Variants in PCDHGA4 observed in about 807,000 individuals in gnomAD.
PCDHGA4 encodes protocadherin gamma-A4.
In PCDHGA4, 38 loss-of-function variants were observed where a neutral mutation model predicts 54.6. The observed-to-expected ratio is 0.70, with a 90% confidence interval of 0.54 to 0.91. The LOEUF is 0.91. PCDHGA4 is among the 40% of genes least tolerant of loss of function. PCDHGA4 has a pLI of 0.00. For missense variants in PCDHGA4, 1,298 were observed against 1,220.9 expected (o/e 1.06, Z -0.94); for synonymous variants, 511 against 512.9 (o/e 1.00, Z 0.05).
intron 1 of PCDHGA4, chr5:141,366,436 C>T (rs757760710): frequency 1.9e-6 from 3 of 1,614,076 alleles, no homozygotes; most frequent in African/African-American, 1.3e-5. Context: ...CAGTCTCCTG[C>T]GTCTTCCTGG....
In PCDHGA4 at chr5:141,512,223, C is replaced by G. The variant is rs1321595614; in HGVS notation, c.*1050C>G. 6.5e-6 allele frequency: 1 copy of G among 152,728 alleles called. No individual in the cohort carries two copies. The highest frequency in any genetic ancestry group is 1.5e-5 in the Non-Finnish European group (1 of 68,110). 9.5% of individuals were successfully genotyped at this position (152,728 alleles called of 1,614,324 possible). ...CTCGAAGCAGGTTTAGGACCAGGTC[C>G]CCTTGAGAGGTCAGAGGGGCCTCTG... On this transcript the variant is annotated 3_prime_UTR_variant, in exon 4 of 4. Transcript: ENST00000571252.
chr5:141,481,142 G>T (rs2099532501), intron 1 of PCDHGA4, among the ~76,000 whole-genome samples: 1 of 152,212 alleles, frequency 6.6e-6, no homozygotes, highest in Non-Finnish European at 1.5e-5. Context: ...GAAGTAAAGT[G>T]TTATTCTGGT....
intron 1 of PCDHGA4, chr5:141,371,543 A>G (rs1209242275): frequency 3.1e-6 from 5 of 1,613,694 alleles, no homozygotes; most frequent in Non-Finnish European, 4.2e-6. Flanking sequence ...GAGAAATCCT[A>G]TGCCAACTAA....
In PCDHGA4 at chr5:141,355,744, G is replaced by A. The variant is rs1302771469; in HGVS notation, c.637G>A (p.Val213Met). ...LNSNGYFSLD[V>M]QSGADGIKYP... ...CTCAAACGGTTACTTTTCCCTGGAC[G>A]TGCAAAGTGGGGCCGATGGGATTAA... Residue 213 changes from valine to methionine, a missense_variant, in exon 1 of 4, where the codon GTG becomes ATG. Transcript: ENST00000571252. 1 of 1,613,960 alleles carries A rather than the reference G, an allele frequency of 6.2e-7. No individual in the cohort carries two copies. The highest frequency in any genetic ancestry group is 8.5e-7 in the Non-Finnish European group (1 of 1,179,876).
intron 1 of PCDHGA4, among the ~76,000 whole-genome samples, chr5:141,465,205 G>A (rs1460694369): frequency 6.6e-6 from 1 of 151,892 alleles, no homozygotes; most frequent in Admixed American, 6.6e-5. Flanking sequence ...AAAAATATAA[G>A]CTTTATTTTT....
chr5:141,414,870 G>A (rs1325555474), intron 1 of PCDHGA4: 1 of 1,614,224 alleles, frequency 6.2e-7, no homozygotes, highest in Non-Finnish European at 8.5e-7. Context: ...ATGCGCCCGA[G>A]ATCCTGTACC....
chr5:141,369,254 T>A (rs1743165923), intron 1 of PCDHGA4, among the ~76,000 whole-genome samples: 1 of 152,160 alleles, frequency 6.6e-6, no homozygotes, highest in Admixed American at 6.5e-5. Flanking sequence ...TTAAATAATA[T>A]AATTATAAGG....
intron 1 of PCDHGA4, among the ~76,000 whole-genome samples, chr5:141,463,088 C>T (rs768488458): frequency 6.6e-6 from 1 of 152,108 alleles, no homozygotes; most frequent in Non-Finnish European, 1.5e-5. Flanking sequence ...ATTTTCCAGC[C>T]CTATGTGACC....
chr5:141,404,919 C>T, intron 1 of PCDHGA4: 1 of 1,613,924 alleles, frequency 6.2e-7, no homozygotes, highest in Non-Finnish European at 8.5e-7. Context: ...CCTCTCTCGG[C>T]CACTGTCACG....
In PCDHGA4 at chr5:141,432,129, A is replaced by T. The variant is rs758099753; in HGVS notation, c.2515-62678A>T. The T allele has an allele frequency of 6.2e-6, 10 of 1,614,054 alleles. No individual in the cohort carries two copies. In the South Asian group the frequency reaches 8.8e-5, roughly 14 times the overall value. On this transcript the variant is annotated intron_variant, in intron 1 of 3. Transcript: ENST00000571252. This position sits in a 1 kb window ranked among gnomAD's most constrained non-coding sequence, Gnocchi z 6.0. ...CCGCCGGTCTTCCCTCAGGCCTCCTATTCCGCTTATATCCCAGAGAACAAT... is the reference window on the plus strand; with the variant it reads ...CCGCCGGTCTTCCCTCAGGCCTCCTTTTCCGCTTATATCCCAGAGAACAAT...
chr5:141,413,891 C>G, intron 1 of PCDHGA4: 1 of 1,613,382 alleles, frequency 6.2e-7, no homozygotes, highest in East Asian at 2.2e-5. Flanking sequence ...GTCTTCGATG[C>G]AAATGACAAC....
rs145286084 is a variant in PCDHGA4, at chr5:141,369,646, G to A, written c.2514+12025G>A. Among the ~76,000 whole-genome samples, 4 of 152,222 alleles carry A rather than the reference G, an allele frequency of 2.6e-5. No homozygotes were observed. The East Asian group carries it at 7.7e-4, about 29-fold the overall frequency. On this transcript the variant is annotated intron_variant, in intron 1 of 3. Coordinates refer to ENST00000571252, the MANE Select transcript of PCDHGA4 (RefSeq NM_018917.4). ...CATTACCTTTAACTTCTTTTGGGGG[G>A]AGATAATAAAGATAAAAGAGAAGAA...
intron 1 of PCDHGA4, chr5:141,408,965 C>A: frequency 3.1e-6 from 5 of 1,613,806 alleles, no homozygotes; most frequent in Non-Finnish European, 4.2e-6. Flanking sequence ...TAGTGAAAAT[C>A]TGCCCCCTGG....
chr5:141,382,701 T>G, intron 1 of PCDHGA4: 2 of 460,044 alleles, frequency 4.3e-6, no homozygotes, highest in Non-Finnish European at 7.6e-6. Flanking sequence ...GTGCGAGAGA[T>G]CCCACAGAAA....
In PCDHGA4 at chr5:141,485,669, T is replaced by G. The variant is rs754363407; in HGVS notation, c.2515-9138T>G. ...TCAGGATGCAGATGTGGGGAGCAATTCGATTAGCAGCTATAGGCTGAGCTC... is the reference window on the plus strand; with the variant it reads ...TCAGGATGCAGATGTGGGGAGCAATGCGATTAGCAGCTATAGGCTGAGCTC... On this transcript the variant is annotated intron_variant, in intron 1 of 3. Transcript: ENST00000571252. The surrounding 1 kb of genome is among the most constrained non-coding windows in gnomAD (Gnocchi z 5.7). 1.9e-6 allele frequency: 3 copies of G among 1,612,788 alleles called. 1 individual carries two copies. Among genetic ancestry groups the G allele is most frequent in the Admixed American group, 1.7e-5 (1 of 59,980 alleles).
chr5:141,360,779 T>C, intron 1 of PCDHGA4: 1 of 1,613,956 alleles, frequency 6.2e-7, no homozygotes, highest in Non-Finnish European at 8.5e-7. Context: ...CTCACAGCTG[T>C]GGATGGCGGA....
chr5:141,356,651 A>G lies in PCDHGA4; in HGVS notation c.1544A>G (p.Asn515Ser), dbSNP rs1457721502. The change falls in exon 1 of 4, where the codon AAT (asparagine) becomes AGT (serine). Residue 515 changes from asparagine to serine, a missense_variant. Physicochemically the swap from Asn to Ser is conservative, Grantham distance 46. Coordinates refer to ENST00000571252, the MANE Select transcript of PCDHGA4 (RefSeq NM_018917.4). ...GCTCAAGACCCTGACAGTGGTGACA[A>G]TGCCCGAATCACTTACTCCCTGGCC... ...MTAQDPDSGD[N>S]ARITYSLAED... The G allele has an allele frequency of 6.2e-7, 1 of 1,614,048 alleles. No homozygotes were observed. Among genetic ancestry groups the G allele is most frequent in the African/African-American group, 1.3e-5 (1 of 75,026 alleles).
intron 1 of PCDHGA4, among the ~76,000 whole-genome samples, chr5:141,449,229 A>G (rs1356585763): frequency 1.3e-5 from 2 of 152,142 alleles, no homozygotes; most frequent in South Asian, 2.1e-4. Context: ...AATGATTTCA[A>G]ATTTTCAAAG....
chr5:141,457,635 T>G (rs1242403589), intron 1 of PCDHGA4, among the ~76,000 whole-genome samples: 2 of 152,270 alleles, frequency 1.3e-5, no homozygotes, highest in African/African-American at 4.8e-5. Flanking sequence ...ATACTTGGCC[T>G]GATTATTTGC....
Sources: allele counts gnomAD v4.1 joint callset (sites outside exome capture counted in the v4.1 genomes callset), GRCh38; gene constraint gnomAD v4.1.1; non-coding constraint Gnocchi (gnomAD v3.1); transcripts MANE v1.5; gene names NCBI Gene and HGNC (gene_info 2026-07-23, HGNC 2026-07-21).